Variants in RGS7 observed in about 807,000 individuals in gnomAD.
RGS7 encodes the protein regulator of G protein signaling 7, also known as regulator of G-protein signaling 7.
Under a neutral mutation model 81.1 loss-of-function variants are expected in RGS7, and 27 were observed. That is an observed-to-expected ratio of 0.33 (90% CI 0.25 to 0.46). RGS7 has a LOEUF of 0.46. Ranked by LOEUF, RGS7 falls within the 20% of genes least tolerant of loss-of-function variation. RGS7 has a pLI of 1.00. For synonymous variants in RGS7, 208 were observed against 207.7 expected (o/e 1.00, Z -0.01); for missense variants, 396 against 607.4 (o/e 0.65, Z 3.66).
intron 4 of RGS7, among the ~76,000 whole-genome samples, chr1:240,937,178 A>C (rs564560128): frequency 6.6e-6 from 1 of 152,150 alleles, no homozygotes; most frequent in East Asian, 1.9e-4. Flanking sequence ...ACTCCAGCCA[A>C]TGGGGACAGG....
intron 9 of RGS7, among the ~76,000 whole-genome samples, chr1:240,838,345 C>T (rs1695039588): frequency 6.6e-6 from 1 of 152,204 alleles, no homozygotes; most frequent in Admixed American, 6.5e-5. Flanking sequence ...ATCTTAGCTC[C>T]TAATACCACC....
At chr1:241,238,510 G>A (rs1038300031) in intron 2 of RGS7, among the ~76,000 whole-genome samples, 1 of 151,638 alleles carries the variant, frequency 6.6e-6, no homozygotes, top group South Asian at 2.1e-4. Context: ...TTCCTTTGCA[G>A]CAACTTTACT....
At chr1:241,004,303 T>A (rs2058575585) in intron 3 of RGS7, among the ~76,000 whole-genome samples, 1 of 152,136 alleles carries the variant, frequency 6.6e-6, no homozygotes, top group African/African-American at 2.4e-5. Flanking sequence ...ATTTGTTCTC[T>A]CCTTTTGTTC....
intron 4 of RGS7, among the ~76,000 whole-genome samples, chr1:240,964,599 A>T (rs2148486135): frequency 6.6e-6 from 1 of 152,296 alleles, no homozygotes; most frequent in South Asian, 2.1e-4. Context: ...TAAGAGGGGC[A>T]GTGATGTGTT....
At chr1:241,098,823 G>A in intron 2 of RGS7, 61 bp from the exon 3 acceptor site, 1 of 1,221,140 alleles carries the variant, frequency 8.2e-7, no homozygotes, top group Non-Finnish European at 1.2e-6. Flanking sequence ...AAAAAAATCA[G>A]CTCTCATAAC....
At chr1:240,950,248 A>C (rs12728319) in intron 4 of RGS7, among the ~76,000 whole-genome samples, 1,608 of 152,318 alleles carry the variant, frequency 0.011, 13 homozygotes, top group Middle Eastern at 0.027. Flanking sequence ...ATCCCACCAG[A>C]TTCTCATGGT....
intron 3 of RGS7, among the ~76,000 whole-genome samples, chr1:241,017,338 G>C (rs1192466953): frequency 6.6e-6 from 1 of 151,764 alleles, no homozygotes; most frequent in Non-Finnish European, 1.5e-5. Context: ...CTACCAGGGA[G>C]GCTGAGGCAG....
At chr1:241,106,581 T>C (rs2065114115) in intron 2 of RGS7, among the ~76,000 whole-genome samples, 1 of 151,888 alleles carries the variant, frequency 6.6e-6, no homozygotes, top group Non-Finnish European at 1.5e-5. Flanking sequence ...TCATGTGTGG[T>C]GGCAGGTGCC....
intron 2 of RGS7, among the ~76,000 whole-genome samples, chr1:241,221,057 A>G (rs868760647): frequency 0.012 from 1,509 of 125,112 alleles, 21 homozygotes; most frequent in Non-Finnish European, 0.015. Context: ...GAAAGAAAGA[A>G]AGAGAGAGAG....
Position 240,868,780 on chromosome 1 carries a change from C to A in RGS7, c.523G>T (p.Ala175Ser), listed in dbSNP as rs1336538191. The change falls in exon 8 of 19, where the codon GCA (alanine) becomes TCA (serine). Residue 175 changes from alanine (A) to serine (S), a missense_variant. Transcript: ENST00000440928. The surrounding 1 kb of genome is among the most constrained non-coding windows in gnomAD (Gnocchi z 5.1). ...AAACGACTCACAAGGACTCACTTTG[C>A]TTGTGCTTCTGCTTGCATGAAAATG... ...EFIFMQAEAQ[A>S]KVDKKRDKIE... is the part of the protein sequence containing the mutation. The A allele has an allele frequency of 6.2e-7, 1 of 1,613,992 alleles. No individual in the cohort carries two copies. Among genetic ancestry groups the A allele is most frequent in the South Asian group, 1.1e-5 (1 of 91,080 alleles).
intron 6 of RGS7, among the ~76,000 whole-genome samples, chr1:240,895,264 TTTTCTTTC>T (rs145285821): frequency 1.3e-5 from 2 of 151,462 alleles, no homozygotes; most frequent in Admixed American, 6.6e-5. Flanking sequence ...TTTTCTTTCT[TTTTCTTTC>T]TTTCTTTCTT....
intron 3 of RGS7, among the ~76,000 whole-genome samples, chr1:241,045,005 C>T (rs1178335431): frequency 6.6e-6 from 1 of 152,124 alleles, no homozygotes; most frequent in African/African-American, 2.4e-5. Context: ...TTCTGTACTT[C>T]GAGTTTCTAA....
chr1:241,253,126 T>C (rs534132325), intron 2 of RGS7, among the ~76,000 whole-genome samples: 2 of 152,242 alleles, frequency 1.3e-5, no homozygotes, highest in Non-Finnish European at 2.9e-5. Context: ...GCTATGCCTA[T>C]GCAGTTTAAC....
In RGS7 at chr1:241,137,064, G is replaced by A. The variant is rs188585482; in HGVS notation, c.79-38302C>T. ...TTAGCTGAGGAAGACATTTCTAAGG[G>A]ATGTATGGTCCCTGAGGGCTCTGTT... is the stretch of plus-strand genomic sequence containing the variant. On this transcript the variant is annotated intron_variant, in intron 2 of 18. Transcript: ENST00000440928. 1.3e-3 allele frequency among the ~76,000 whole-genome samples: 202 copies of A among 152,280 alleles called. 2 individuals are homozygous for A. Among genetic ancestry groups the A allele is most frequent in the African/African-American group, 4.7e-3 (194 of 41,574 alleles).
At chr1:240,849,938 G>A (rs983091203) in intron 9 of RGS7, among the ~76,000 whole-genome samples, 6 of 152,172 alleles carry the variant, frequency 3.9e-5, no homozygotes, top group African/African-American at 1.4e-4. Flanking sequence ...GTTTATATAT[G>A]ATCACATTCC....
At position 241,043,594 on chromosome 1, in the gene RGS7, TATATTATA is replaced by T. The variant is rs972337567; in HGVS notation, c.175+55064_175+55071del. ...TATATATTATATTAGTTATATTTTATATATTATAATATTATATAGTTATATTTTATATA... is the reference window on the plus strand; with the variant it reads ...TATATATTATATTAGTTATATTTTATATATTATATAGTTATATTTTATATA... On this transcript the variant is annotated intron_variant, in intron 3 of 18. Coordinates refer to ENST00000440928, the MANE Select transcript of RGS7 (RefSeq NM_001364886.1). Among the ~76,000 whole-genome samples, 53 of 147,022 alleles carry T rather than the reference TATATTATA, an allele frequency of 3.6e-4. 1 individual carries two copies. Among genetic ancestry groups the T allele is most frequent in the African/African-American group, 1.3e-3 (52 of 40,554 alleles).
chr1:240,986,099 G>C (rs1376590562), intron 3 of RGS7, among the ~76,000 whole-genome samples: 3 of 151,968 alleles, frequency 2.0e-5, no homozygotes, highest in African/African-American at 7.2e-5. Flanking sequence ...GGAATTTTTT[G>C]AAATCACACT....
intron 2 of RGS7, among the ~76,000 whole-genome samples, chr1:241,287,036 C>T (rs1248803776): frequency 6.6e-6 from 1 of 152,180 alleles, no homozygotes; most frequent in Non-Finnish European, 1.5e-5. Context: ...AGCCCATGGA[C>T]AATGACAAAT....
intron 13 of RGS7, among the ~76,000 whole-genome samples, chr1:240,813,327 T>C (rs1472591400): frequency 6.6e-5 from 10 of 152,208 alleles, no homozygotes; most frequent in Non-Finnish European, 1.2e-4. Context: ...AGGAAGATAA[T>C]AGCAATGAGC....
Sources: allele counts gnomAD v4.1 joint callset (sites outside exome capture counted in the v4.1 genomes callset), GRCh38; gene constraint gnomAD v4.1.1; non-coding constraint Gnocchi (gnomAD v3.1); transcripts MANE v1.5; gene names NCBI Gene and HGNC (gene_info 2026-07-23, HGNC 2026-07-21).